The following CACNA2D3 variants were observed in gnomAD, a reference collection of about 807,000 sequenced individuals.
CACNA2D3 encodes the protein calcium voltage-gated channel auxiliary subunit alpha2delta 3.
In CACNA2D3, 60 loss-of-function variants were observed where a neutral mutation model predicts 160.6. The ratio of observed to expected loss-of-function variants is 0.37; its 90% CI spans 0.30 to 0.46. CACNA2D3 has a LOEUF of 0.46. Among genes scored for constraint, CACNA2D3 ranks in the 20% least tolerant of loss-of-function variants. The probability of loss-of-function intolerance (pLI) is 1.00; values close to 1 mark genes in which losing one functional copy is unlikely to be tolerated. For missense variants in CACNA2D3, 1,205 were observed against 1,365.0 expected (o/e 0.88, Z 1.85); for synonymous variants, 558 against 492.9 (o/e 1.13, Z -1.75).
At chr3:54,287,369 G>A (rs925972016) in intron 2 of CACNA2D3, among the ~76,000 whole-genome samples, 8 of 151,888 alleles carry the variant, frequency 5.3e-5, no homozygotes, top group Non-Finnish European at 1.0e-4. Context: ...TCAACAAGAA[G>A]AGCTAACTAT....
At chr3:54,571,878 C>T (rs1288066808) in intron 8 of CACNA2D3, among the ~76,000 whole-genome samples, 1 of 152,140 alleles carries the variant, frequency 6.6e-6, no homozygotes, top group Non-Finnish European at 1.5e-5. Context: ...GGTGTGCTCA[C>T]CTTGCCCACA....
intron 17 of CACNA2D3, among the ~76,000 whole-genome samples, chr3:54,871,043 TACAC>T (rs58370850): frequency 0.11 from 15,322 of 142,354 alleles, 888 homozygotes; most frequent in Non-Finnish European, 0.13. Flanking sequence ...AGCTTTGGGA[TACAC>T]ACACACACAC....
rs149602514 is a variant in CACNA2D3, at chr3:54,927,356, G to A, written c.2449+27488G>A. Among the ~76,000 whole-genome samples, 1,365 of 152,262 alleles carry A rather than the reference G, an allele frequency of 9.0e-3. 10 individuals are homozygous for A. Among genetic ancestry groups the A allele is most frequent in the Non-Finnish European group, 0.014 (984 of 68,014 alleles). ...CTTCCCCTTTCCAGAATATCAAAGA[G>A]CAAAACCACTGTTTTCCTTTCTATA... is the stretch of plus-strand genomic sequence containing the variant. On this transcript the variant is annotated intron_variant, in intron 27 of 37. Coordinates refer to ENST00000474759, the MANE Select transcript of CACNA2D3 (RefSeq NM_018398.3).
chr3:54,581,903 CA>C, intron 9 of CACNA2D3, 26 bp downstream of exon 9: 1 of 1,590,274 alleles, frequency 6.3e-7, no homozygotes, highest in Non-Finnish European at 8.6e-7. Flanking sequence ...GGGAGCATTC[CA>C]GTCATGGTAC....
chr3:54,308,610 T>C (rs897772176), intron 2 of CACNA2D3, among the ~76,000 whole-genome samples: 3 of 152,168 alleles, frequency 2.0e-5, no homozygotes, highest in African/African-American at 7.2e-5. Flanking sequence ...GCCGCTGAGA[T>C]ATGGGGGTTA....
intron 31 of CACNA2D3, among the ~76,000 whole-genome samples, chr3:55,004,335 C>G (rs911059780): frequency 6.6e-6 from 1 of 152,218 alleles, no homozygotes; most frequent in African/African-American, 2.4e-5. Context: ...AACACAGAAT[C>G]CTGCCATGCT....
rs59534343 is a variant in CACNA2D3 at position 54,303,818 on chromosome 3, G to GTTTTTTGTT, written c.205-16618_205-16617insGTTTTTTTT. Among the ~76,000 whole-genome samples, 292 of 115,014 alleles carry GTTTTTTGTT rather than the reference G, an allele frequency of 2.5e-3. 7 individuals are homozygous for GTTTTTTGTT. The East Asian group carries it at 0.039, about 15-fold the overall frequency. 75.5% of individuals were successfully genotyped at this position (115,014 alleles called of 152,430 possible). A position where few individuals can be genotyped will look rare whatever the true frequency, so the allele number is the denominator to read the frequency against. ...CAGCCTCATCAGTGACTTTTTTTCT[G>GTTTTTTGTT]TTTTTTTTTTTTTTTTTTTTCTATT... is the stretch of plus-strand genomic sequence containing the variant. On this transcript the variant is annotated intron_variant, in intron 2 of 37. Coordinates refer to ENST00000474759, the MANE Select transcript of CACNA2D3 (RefSeq NM_018398.3).
At chr3:54,620,196 T>C (rs1698953935) in intron 9 of CACNA2D3, among the ~76,000 whole-genome samples, 1 of 152,184 alleles carries the variant, frequency 6.6e-6, no homozygotes, top group African/African-American at 2.4e-5. Flanking sequence ...TCATTTAGGC[T>C]GATAGGAGCC....
chr3:54,939,570 G>A (rs1311482447), intron 27 of CACNA2D3, among the ~76,000 whole-genome samples: 1 of 152,238 alleles, frequency 6.6e-6, no homozygotes. Context: ...ATTGGGCAAA[G>A]TGTGCTGGGG....
At chr3:54,323,902 A>T (rs1048438673) in intron 3 of CACNA2D3, among the ~76,000 whole-genome samples, 1 of 152,136 alleles carries the variant, frequency 6.6e-6, no homozygotes, top group Non-Finnish European at 1.5e-5. Flanking sequence ...GTTGGGTCCC[A>T]GGTTCAGGTG....
At chr3:54,952,487 A>G (rs932057609) in intron 27 of CACNA2D3, among the ~76,000 whole-genome samples, 1 of 152,226 alleles carries the variant, frequency 6.6e-6, no homozygotes, top group Non-Finnish European at 1.5e-5. Flanking sequence ...ATAAAACATG[A>G]GGCAAAAACT....
chr3:54,936,280 G>C (rs1393811710), intron 27 of CACNA2D3, among the ~76,000 whole-genome samples: 1 of 152,074 alleles, frequency 6.6e-6, no homozygotes, highest in African/African-American at 2.4e-5. Flanking sequence ...AATCTGCTTG[G>C]TACAAAAACA....
At chr3:55,033,233 T>C (rs1230408100) in intron 35 of CACNA2D3, among the ~76,000 whole-genome samples, 1 of 152,168 alleles carries the variant, frequency 6.6e-6, no homozygotes, top group Non-Finnish European at 1.5e-5. Context: ...TGCTTCTCCA[T>C]AGCTGATAAT....
intron 2 of CACNA2D3, among the ~76,000 whole-genome samples, chr3:54,293,563 T>TTATATATATATATA (rs35283142): frequency 6.6e-4 from 99 of 149,810 alleles, no homozygotes; most frequent in South Asian, 4.2e-3. Context: ...TAATATTCTA[T>TTATATATATATATA]TATATATATA....
intron 27 of CACNA2D3, among the ~76,000 whole-genome samples, chr3:54,962,496 A>G (rs975683053): frequency 6.6e-6 from 1 of 152,184 alleles, no homozygotes; most frequent in African/African-American, 2.4e-5. Flanking sequence ...TGACAACACT[A>G]TCAACTAGTT....
At chr3:54,950,780 G>A (rs549789973) in intron 27 of CACNA2D3, among the ~76,000 whole-genome samples, 3 of 152,216 alleles carry the variant, frequency 2.0e-5, no homozygotes, top group South Asian at 4.2e-4. Context: ...CACCTTGATC[G>A]GGGCCAAAAT....
In CACNA2D3 at chr3:54,725,480, A is replaced by G. The variant is rs141859551; in HGVS notation, c.1168-27119A>G. ...AACAAAAAATGAAAATTTGAGGTCA[A>G]TATTGCTCATTAACATTGATGCAAA... On this transcript the variant is annotated intron_variant, in intron 11 of 37. Coordinates refer to ENST00000474759, the MANE Select transcript of CACNA2D3 (RefSeq NM_018398.3). 5.9e-3 allele frequency among the ~76,000 whole-genome samples: 906 copies of G among 152,350 alleles called. 16 individuals are homozygous for G. The highest frequency in any genetic ancestry group is 0.02 in the African/African-American group (843 of 41,580).
At chr3:54,269,129 A>C (rs1342913488) in intron 2 of CACNA2D3, among the ~76,000 whole-genome samples, 1 of 152,102 alleles carries the variant, frequency 6.6e-6, no homozygotes, top group Non-Finnish European at 1.5e-5. Flanking sequence ...GGAGCAGCCA[A>C]ACCACAGTTT....
chr3:54,716,931 T>C, intron 11 of CACNA2D3, among the ~76,000 whole-genome samples: 1 of 151,508 alleles, frequency 6.6e-6, no homozygotes. Context: ...TTTAACAAGT[T>C]CCCTCTACCA....
Sources: gnomAD v4.1 joint callset for allele counts (sites outside exome capture counted in the v4.1 genomes callset) on GRCh38, gnomAD v4.1.1 for gene constraint, MANE v1.5 for transcripts, NCBI Gene and HGNC (gene_info 2026-07-23, HGNC 2026-07-21) for gene names.